Variants in DNAJC14 observed in about 807,000 individuals in gnomAD.
DNAJC14 encodes DnaJ heat shock protein family (Hsp40) member C14.
DNAJC14 carries 12 observed loss-of-function variants against 68.8 expected under a neutral mutation model. That is an observed-to-expected ratio of 0.17 (90% confidence interval 0.11 to 0.28). The LOEUF (loss-of-function observed/expected upper bound fraction) is 0.28, where lower values mean the gene tolerates loss of function less well. DNAJC14 is among the 10% of genes least tolerant of loss of function. The pLI is 1.00. For missense variants in DNAJC14, 764 were observed against 875.6 expected (o/e 0.87, Z 1.61); for synonymous variants, 350 against 321.5 (o/e 1.09, Z -0.95).
At chr12:55,826,766 T>G (rs1262094531) in intron 2 of DNAJC14, among the ~76,000 whole-genome samples, 1 of 147,736 alleles carries the variant, frequency 6.8e-6, no homozygotes, top group Non-Finnish European at 1.5e-5. Flanking sequence ...GCCACTGCAC[T>G]CCAGCCTGGG....
intron 2 of DNAJC14, among the ~76,000 whole-genome samples, chr12:55,825,004 C>T (rs1469635959): frequency 1.3e-5 from 2 of 151,852 alleles, no homozygotes; most frequent in Non-Finnish European, 2.9e-5. Flanking sequence ...TGGTGATGCA[C>T]GCCTGTAGTT....
In DNAJC14 at chr12:55,822,148, G is replaced by T; in HGVS notation, c.1938C>A (p.Phe646Leu). 6.2e-7 allele frequency: 1 copy of T among 1,604,468 alleles called. No individual in the cohort carries two copies. The highest frequency in any genetic ancestry group is 8.5e-7 in the Non-Finnish European group (1 of 1,175,656). Residue 646 changes from phenylalanine (F) to leucine (L), a missense_variant, in exon 7 of 7, where the codon TTC (phenylalanine) becomes TTA (leucine). Phe to Leu is a conservative substitution (Grantham distance 22). Transcript: ENST00000678005. ...GGGGTACTTGAAAGATCCGACTCAA[G>T]AAATCCTGAAGATCAGCAGGAGGGG... is the stretch of plus-strand genomic sequence containing the variant. ...PDAPPADLQDFLSRIFQVPPG... is the reference protein window; with the variant it reads ...PDAPPADLQDLLSRIFQVPPG...
In DNAJC14 at chr12:55,827,306, C is replaced by T. The variant is rs1376503564; in HGVS notation, c.1353G>A (p.Glu451=). The change falls in exon 2 of 7, where the codon GAG becomes GAA. Residue 451 remains glutamate (E), a synonymous_variant. Transcript: ENST00000678005. ...TCAGTTCAACATCTGATGCTGTGGC[C>T]TCAACCCCCAGTACATGGAAAGGGT... ...ELNPFHVLGV[E]ATASDVELKK... 5 of 1,592,844 alleles carry T rather than the reference C, an allele frequency of 3.1e-6. No individual in the cohort carries two copies. The highest frequency in any genetic ancestry group is 2.7e-5 in the African/African-American group (2 of 74,092).
At position 55,828,574 on chromosome 12, in the gene DNAJC14, C is replaced by T. The variant is rs1487047140; in HGVS notation, c.85G>A (p.Val29Met). 1.2e-6 allele frequency: 2 copies of T among 1,613,918 alleles called. No homozygotes were observed. The highest frequency in any genetic ancestry group is 1.7e-5 in the Admixed American group (1 of 59,990). The change falls in exon 2 of 7, where the codon GTG becomes ATG. Residue 29 changes from valine (V) to methionine (M), a missense_variant. Coordinates refer to ENST00000678005, the MANE Select transcript of DNAJC14 (RefSeq NM_032364.6). ...GASLRTLGPS[V>M]DPEIPSFSGL... is the part of the protein sequence containing the mutation. The stretch of plus-strand genomic sequence containing the variant: ...GAGAATGAAGGTATTTCAGGGTCCA[C>T]GGAGGGTCCTAAAGTCCTGAGGGAG...
chr12:55,822,107 T>C lies in DNAJC14; in HGVS notation c.1979A>G (p.Asn660Ser), dbSNP rs199633418. Residue 660 changes from asparagine to serine, a missense_variant, in exon 7 of 7, where the codon AAT (asparagine) becomes AGT (serine). Coordinates refer to ENST00000678005, the MANE Select transcript of DNAJC14 (RefSeq NM_032364.6). ...CTGAGGAGCTGCAAAGAAGTTCCCA[T>C]TGGGCATCTGCCCTGGGGGTACTTG... ...IFQVPPGQMP[N>S]GNFFAAPQPA... The C allele has an allele frequency of 1.9e-4, 314 of 1,613,756 alleles. No individual in the cohort carries two copies. The highest frequency in any genetic ancestry group is 2.4e-4 in the Non-Finnish European group (288 of 1,179,870).
chr12:55,825,926 CCTATT>C (rs1880783428), intron 2 of DNAJC14, among the ~76,000 whole-genome samples: 1 of 152,292 alleles, frequency 6.6e-6, no homozygotes, highest in African/African-American at 2.4e-5. Flanking sequence ...CTTGCCCTCT[CCTATT>C]CTGAGTTGCT....
At chr12:55,823,586 TTC>T (rs760096503) in intron 2 of DNAJC14, 78 bp from the exon 3 acceptor site, 61 of 1,261,428 alleles carry the variant, frequency 4.8e-5, no homozygotes, top group African/African-American at 4.3e-4. Context: ...TATCAAAGGG[TTC>T]TCTTTCATCA....
intron 2 of DNAJC14, among the ~76,000 whole-genome samples, chr12:55,824,400 CCAAGA>C (rs1247173389): frequency 1.3e-5 from 2 of 152,158 alleles, no homozygotes; most frequent in African/African-American, 4.8e-5. Context: ...AGCCTTCTCT[CCAAGA>C]CAAGTAATAT....
chr12:55,830,565 T>C (rs562812137), upstream of DNAJC14: 7 of 152,176 alleles, frequency 4.6e-5, no homozygotes, highest in African/African-American at 1.7e-4. Flanking sequence ...CTCTGGAAAG[T>C]GGAAGAAACC....
chr12:55,826,271 CTTTTTT>C (rs1164806475), intron 2 of DNAJC14, among the ~76,000 whole-genome samples: 2 of 85,798 alleles, frequency 2.3e-5, no homozygotes, highest in African/African-American at 9.9e-5. Flanking sequence ...GGGAAAATAT[CTTTTTT>C]TTTTTTTTTT....
In DNAJC14 at chr12:55,827,660, C is replaced by T; in HGVS notation, c.999G>A (p.Leu333=). The T allele has an allele frequency of 6.2e-7, 1 of 1,613,628 alleles. No homozygotes were observed. Among genetic ancestry groups the T allele is most frequent in the Non-Finnish European group, 8.5e-7 (1 of 1,179,784 alleles). ...FLKLLGALLL[L]ALALFLGFLQ... is the part of the protein sequence containing the mutation. ...GAAAGCCCAAAAAGAGGGCCAGAGCCAGGAGCAGCAAAGCACCCAGCAGCT... is the reference window on the plus strand; with the variant it reads ...GAAAGCCCAAAAAGAGGGCCAGAGCTAGGAGCAGCAAAGCACCCAGCAGCT... The change falls in exon 2 of 7, where the codon CTG becomes CTA. Residue 333 remains leucine, a synonymous_variant. Transcript: ENST00000678005.
At chr12:55,829,048 C>T in intron 1 of DNAJC14, 1 of 968,072 alleles carries the variant, frequency 1.0e-6, no homozygotes, top group Non-Finnish European at 1.2e-6. Flanking sequence ...GGGCCACAGA[C>T]TTCCAGTAAT....
At chr12:55,824,461 A>G (rs1039438484) in intron 2 of DNAJC14, among the ~76,000 whole-genome samples, 11 of 152,114 alleles carry the variant, frequency 7.2e-5, no homozygotes, top group Admixed American at 5.9e-4. Context: ...CCATTCCCCA[A>G]AAATGCAGAG....
intron 1 of DNAJC14, chr12:55,829,185 G>A: frequency 2.0e-6 from 2 of 985,616 alleles, no homozygotes; most frequent in Non-Finnish European, 2.4e-6. Context: ...CGTGGCTCAC[G>A]CCTGTAATCC....
chr12:55,829,243 G>A, intron 1 of DNAJC14: 1 of 914,558 alleles, frequency 1.1e-6, no homozygotes, highest in Non-Finnish European at 1.3e-6. Context: ...TCAGGAGTTC[G>A]AGACCAGCCT....
In DNAJC14 at chr12:55,828,514, C is replaced by G; in HGVS notation, c.145G>C (p.Gly49Arg). ...GAGTGCTCTGTGAGGCAGCGGGTAC[C>G]ATTAGGAGCAGTCCCTGCTGAGTCC... The part of the protein sequence containing the change: ...LRDSAGTAPN[G>R]TRCLTEHSGP... The change falls in exon 2 of 7, where the codon GGT becomes CGT. Residue 49 changes from glycine (G) to arginine (R), a missense_variant. By Grantham distance (125) the Gly-to-Arg change is moderately radical. Transcript: ENST00000678005. 6.2e-7 allele frequency: 1 copy of G among 1,614,096 alleles called. No individual in the cohort carries two copies. Among genetic ancestry groups the G allele is most frequent in the East Asian group, 2.2e-5 (1 of 44,870 alleles).
chr12:55,829,112 C>A (rs761312293), intron 1 of DNAJC14: 10 of 988,820 alleles, frequency 1.0e-5, no homozygotes, highest in Non-Finnish European at 1.2e-5. Flanking sequence ...CTTAGGGCTG[C>A]CCCTAAGAAA....
chr12:55,829,055 T>A, intron 1 of DNAJC14: 1 of 981,392 alleles, frequency 1.0e-6, no homozygotes, highest in Non-Finnish European at 1.2e-6. Flanking sequence ...AGACTTCCAG[T>A]AATGGGTGGG....
At position 55,828,675 on chromosome 12, in the gene DNAJC14, G is replaced by C; in HGVS notation, c.-17C>G. On this transcript the variant is annotated 5_prime_UTR_variant, in exon 2 of 7. Coordinates refer to ENST00000678005, the MANE Select transcript of DNAJC14 (RefSeq NM_032364.6). Reference sequence around the variant, plus strand: ...CTGGGCCATGACCCCGGGGCTTCCTGAGGGTCTTAGGTCACAGCCATCATG... The same window carrying C: ...CTGGGCCATGACCCCGGGGCTTCCTCAGGGTCTTAGGTCACAGCCATCATG... 1 of 1,604,138 alleles carries C rather than the reference G, an allele frequency of 6.2e-7. No homozygotes were observed. Among genetic ancestry groups the C allele is most frequent in the Non-Finnish European group, 8.5e-7 (1 of 1,174,226 alleles).
Sources: gnomAD v4.1 joint callset for allele counts (sites outside exome capture counted in the v4.1 genomes callset) on GRCh38, gnomAD v4.1.1 for gene constraint, MANE v1.5 for transcripts, NCBI Gene and HGNC (gene_info 2026-07-23, HGNC 2026-07-21) for gene names.